Variants in KLF8 observed in about 807,000 individuals in gnomAD.
KLF8 encodes the protein Krueppel-like factor 8.
In KLF8, 10 loss-of-function variants were observed where a neutral mutation model predicts 18.2. The ratio of observed to expected loss-of-function variants is 0.55; its 90% CI spans 0.34 to 0.93. The LOEUF (loss-of-function observed/expected upper bound fraction) is 0.93. KLF8 is among the 40% of genes least tolerant of loss of function. KLF8 has a pLI of 0.02. For synonymous variants in KLF8, 109 were observed against 97.3 expected (o/e 1.12, Z -0.71); for missense variants, 264 against 277.9 (o/e 0.95, Z 0.36).
chrX:56,141,796 C>G, the KLF8 span, among the ~76,000 whole-genome samples: 8 of 111,629 alleles, frequency 7.2e-5, no homozygotes, highest in East Asian at 2.0e-3. Flanking sequence ...ATGGTGATGC[C>G]TTCACTACCA....
intron 3 of KLF8, chrX:56,268,253 T>C (rs2066996762): frequency 8.9e-6 from 1 of 112,108 alleles, no homozygotes; most frequent in African/African-American, 3.2e-5. Flanking sequence ...TTGTGAATAA[T>C]GCTGCACTAA....
At chrX:56,272,710 C>T (rs1473336752) in intron 5 of KLF8, among the ~76,000 whole-genome samples, 1 of 111,111 alleles carries the variant, frequency 9.0e-6, no homozygotes, top group Non-Finnish European at 1.9e-5. Flanking sequence ...TGCCCTCATT[C>T]CTGCAGTATT....
the KLF8 span, among the ~76,000 whole-genome samples, chrX:56,058,886 C>G: frequency 9.0e-6 from 1 of 111,522 alleles, no homozygotes; most frequent in Non-Finnish European, 1.9e-5. Context: ...ATTGCTGGGT[C>G]AAATGATATT....
chrX:56,079,937 T>G, the KLF8 span, among the ~76,000 whole-genome samples: 15 of 111,553 alleles, frequency 1.3e-4, no homozygotes, highest in African/African-American at 3.9e-4. Flanking sequence ...TTTGTTGGTT[T>G]AAAGTCTGTT....
chrX:55,954,262 T>C, the KLF8 span, among the ~76,000 whole-genome samples: 7 of 111,688 alleles, frequency 6.3e-5, no homozygotes, highest in Admixed American at 1.9e-4. Flanking sequence ...TTTGTTTGTT[T>C]CTTTAAACCA....
Position 56,240,578 on chromosome X carries a change from T to A in KLF8, c.7+7237T>A, listed in dbSNP as rs1272192204. Among the ~76,000 whole-genome samples the A allele has an allele frequency of 3.6e-5, 4 of 112,054 alleles. No homozygotes were observed. In the South Asian group the frequency reaches 1.5e-3, roughly 42 times the overall value. ...AGTTGTAATTCCTAGAGGTTTTGTT[T>A]TATAATTAACATAATAATTAGTGGG... On this transcript the variant is annotated intron_variant, in intron 1 of 5. Transcript: ENST00000468660.
the KLF8 span, among the ~76,000 whole-genome samples, chrX:56,081,763 T>G: frequency 8.9e-6 from 1 of 112,194 alleles, no homozygotes; most frequent in African/African-American, 3.2e-5. Flanking sequence ...TTACATTGAT[T>G]GAAATTCTTA....
At chrX:55,970,784 G>A in the KLF8 span, among the ~76,000 whole-genome samples, 1 of 111,042 alleles carries the variant, frequency 9.0e-6, no homozygotes, top group Admixed American at 9.6e-5. Context: ...ATCTCAAAAA[G>A]AAATCAAGAA....
chrX:56,184,757 G>A, the KLF8 span, among the ~76,000 whole-genome samples: 2 of 112,023 alleles, frequency 1.8e-5, no homozygotes, highest in Non-Finnish European at 3.8e-5. Flanking sequence ...TGATACACAG[G>A]CAAACAGGGT....
Position 56,265,384 on chromosome X carries a change from G to T in KLF8, c.286G>T (p.Ala96Ser). ...TGACCTCTCCTTTCACAAGCCCAAG[G>T]CTCCTCTCCAGCCTGCTAGCATGCT... The part of the protein sequence containing the change: ...PVDLSFHKPK[A>S]PLQPASMLQA... Residue 96 changes from alanine to serine, a missense_variant, in exon 3 of 6, where the codon GCT becomes TCT. Coordinates refer to ENST00000468660, the MANE Select transcript of KLF8 (RefSeq NM_007250.5). 1 of 1,210,961 alleles carries T rather than the reference G, an allele frequency of 8.3e-7. No homozygotes were observed. The highest frequency in any genetic ancestry group is 1.1e-6 in the Non-Finnish European group (1 of 895,272).
At chrX:56,280,764 T>C (rs1275636563) in intron 5 of KLF8, among the ~76,000 whole-genome samples, 2 of 112,226 alleles carry the variant, frequency 1.8e-5, no homozygotes, top group African/African-American at 6.5e-5. Context: ...ATATAGTGAA[T>C]ACTCAATAAA....
At chrX:56,158,289 G>A in the KLF8 span, among the ~76,000 whole-genome samples, 2 of 111,821 alleles carry the variant, frequency 1.8e-5, no homozygotes, top group Non-Finnish European at 3.8e-5. Flanking sequence ...TTTGGTTACT[G>A]TAGCCTTGTA....
chrX:56,001,757 C>T, the KLF8 span, among the ~76,000 whole-genome samples: 2 of 111,839 alleles, frequency 1.8e-5, no homozygotes, highest in African/African-American at 6.5e-5. Flanking sequence ...CCTTGTCACT[C>T]AATGCTCACA....
the KLF8 span, among the ~76,000 whole-genome samples, chrX:56,055,576 A>G: frequency 1.8e-5 from 2 of 111,380 alleles, no homozygotes; most frequent in Non-Finnish European, 3.8e-5. Context: ...TTTTACTGGG[A>G]TTCTCTGCAT....
the KLF8 span, chrX:55,908,501 T>C: frequency 6.7e-6 from 2 of 297,657 alleles, no homozygotes; most frequent in Non-Finnish European, 1.2e-5. Flanking sequence ...CTCTTGATAT[T>C]GCTAATGCCG....
At chrX:56,188,697 G>T in the KLF8 span, among the ~76,000 whole-genome samples, 2 of 111,585 alleles carry the variant, frequency 1.8e-5, no homozygotes, top group Non-Finnish European at 3.8e-5. Context: ...ACAGAATAGA[G>T]CCCTCAGAAA....
the KLF8 span, among the ~76,000 whole-genome samples, chrX:55,966,802 T>C: frequency 2.7e-5 from 3 of 111,813 alleles, no homozygotes; most frequent in African/African-American, 9.8e-5. Flanking sequence ...GGACAAATCC[T>C]GGAGAAACAA....
chrX:55,992,381 T>C, the KLF8 span, among the ~76,000 whole-genome samples: 2 of 112,505 alleles, frequency 1.8e-5, no homozygotes, highest in African/African-American at 6.4e-5. Context: ...CTTCTTGTTT[T>C]TGACTTTGTC....
chrX:56,182,327 C>G, the KLF8 span, among the ~76,000 whole-genome samples: 14 of 112,200 alleles, frequency 1.2e-4, no homozygotes, highest in African/African-American at 4.2e-4. Flanking sequence ...CATTTAAGGT[C>G]TTCTCTATAC....
Sources: gnomAD v4.1 joint callset for allele counts (sites outside exome capture counted in the v4.1 genomes callset) on GRCh38, gnomAD v4.1.1 for gene constraint, MANE v1.5 for transcripts, NCBI Gene and HGNC (gene_info 2026-07-23, HGNC 2026-07-21) for gene names.